Variants in TRABD2B observed in about 807,000 individuals in gnomAD.
The protein encoded by TRABD2B is metalloprotease TIKI2.
A neutral mutation model predicts 40.1 loss-of-function variants in TRABD2B; 14 were observed. The ratio of observed to expected loss-of-function variants is 0.35; its 90% confidence interval spans 0.23 to 0.55. TRABD2B has a LOEUF of 0.55. Among genes scored for constraint, TRABD2B ranks in the 20% least tolerant of loss-of-function variants. The pLI is 0.90. For missense variants in TRABD2B, 541 were observed against 648.6 expected (o/e 0.83, Z 1.80); for synonymous variants, 263 against 277.0 (o/e 0.95, Z 0.50).
At chr1:47,841,784 T>C (rs1420186052) in intron 2 of TRABD2B, among the ~76,000 whole-genome samples, 1 of 132,710 alleles carries the variant, frequency 7.5e-6, no homozygotes, top group African/African-American at 2.7e-5. Flanking sequence ...TCTTTTCTTT[T>C]TCTTTTTTTT....
At position 47,778,456 on chromosome 1, in the gene TRABD2B, G is replaced by A. The variant is rs1452188406; in HGVS notation, c.1077C>T (p.His359=). The A allele has an allele frequency of 1.3e-6, 2 of 1,535,552 alleles. No individual in the cohort carries two copies. Among genetic ancestry groups the A allele is most frequent in the East Asian group, 4.9e-5 (2 of 40,912 alleles). The change falls in exon 5 of 7, where the codon CAC becomes CAT. Residue 359 remains histidine (H), a splice_region_variant and synonymous_variant. Coordinates refer to ENST00000606738, the MANE Select transcript of TRABD2B (RefSeq NM_001194986.2). The part of the protein sequence containing the change: ...VDHTPAGQAI[H]SPAPQSPAPS... ...AGGCACACCCAGATGTGGCTTACCT[G>A]TGTATGGCCTGCCCGGCGGGTGTGT... is the stretch of plus-strand genomic sequence containing the variant.
intron 2 of TRABD2B, among the ~76,000 whole-genome samples, chr1:47,912,724 G>A (rs1644779610): frequency 6.6e-6 from 1 of 152,180 alleles, no homozygotes; most frequent in African/African-American, 2.4e-5. Flanking sequence ...GTCACCTCAG[G>A]TTGGGGGTCC....
chr1:47,805,846 A>C (rs1276977940), intron 2 of TRABD2B, among the ~76,000 whole-genome samples: 1 of 152,072 alleles, frequency 6.6e-6, no homozygotes, highest in African/African-American at 2.4e-5. Flanking sequence ...GCAAAGAGAC[A>C]TCAAATACCT....
At chr1:47,975,850 C>T (rs564764222) in intron 2 of TRABD2B, among the ~76,000 whole-genome samples, 124 of 152,156 alleles carry the variant, frequency 8.1e-4, no homozygotes, top group African/African-American at 3.0e-3. Context: ...CAGGAAGGGC[C>T]AGGCTGGACC....
intron 4 of TRABD2B, among the ~76,000 whole-genome samples, chr1:47,787,354 C>G (rs1412874067): frequency 6.6e-6 from 1 of 152,208 alleles, no homozygotes; most frequent in Non-Finnish European, 1.5e-5. Flanking sequence ...CTGTCTAAAG[C>G]CCCTCACTGT....
rs143839659 is a variant in TRABD2B, at chr1:47,829,746, A to G, written c.667-28127T>C. ...ACATTCAATGACTTCCCGTGAATAAATTCATGCATGACACTTAGGACATTC... is the reference window on the plus strand; with the variant it reads ...ACATTCAATGACTTCCCGTGAATAAGTTCATGCATGACACTTAGGACATTC... On this transcript the variant is annotated intron_variant, in intron 2 of 6. Transcript: ENST00000606738. Among the ~76,000 whole-genome samples the G allele has an allele frequency of 3.9e-3, 598 of 152,318 alleles. 3 individuals are homozygous for G. The highest frequency in any genetic ancestry group is 2.9e-3 in the Non-Finnish European group (195 of 68,026).
At chr1:47,931,134 G>A (rs552808408) in intron 2 of TRABD2B, among the ~76,000 whole-genome samples, 45 of 152,216 alleles carry the variant, frequency 3.0e-4, no homozygotes, top group African/African-American at 1.0e-3. Flanking sequence ...GAACAAATGG[G>A]TGAAGGAATA....
intron 2 of TRABD2B, among the ~76,000 whole-genome samples, chr1:47,953,161 A>C (rs1645370568): frequency 6.6e-6 from 1 of 152,210 alleles, no homozygotes; most frequent in Admixed American, 6.5e-5. Flanking sequence ...CAAGCAGCCC[A>C]GAAAAATGGG....
intron 2 of TRABD2B, among the ~76,000 whole-genome samples, chr1:47,922,112 C>T (rs1644909850): frequency 6.6e-6 from 1 of 152,110 alleles, no homozygotes; most frequent in Admixed American, 6.5e-5. Flanking sequence ...CTCCAGGTCT[C>T]TGTTTAGCCA....
At chr1:47,767,290 C>T (rs4083959) in intron 6 of TRABD2B, among the ~76,000 whole-genome samples, 46,711 of 152,080 alleles carry the variant, frequency 0.31, 7,505 homozygotes, top group Middle Eastern at 0.38. Flanking sequence ...CCACAAGCCC[C>T]GTCACCCAGA....
At chr1:47,936,708 G>A (rs1016407626) in intron 2 of TRABD2B, among the ~76,000 whole-genome samples, 11 of 152,278 alleles carry the variant, frequency 7.2e-5, no homozygotes, top group South Asian at 4.1e-4. Context: ...TATGAGCTGC[G>A]TGATCTTGGC....
intron 2 of TRABD2B, among the ~76,000 whole-genome samples, chr1:47,875,747 A>C (rs1454333474): frequency 6.6e-6 from 1 of 151,538 alleles, no homozygotes. Flanking sequence ...AGAAAAGGAC[A>C]AAGTGACTTC....
chr1:47,975,583 T>A (rs1225761962), intron 2 of TRABD2B, among the ~76,000 whole-genome samples: 1 of 152,178 alleles, frequency 6.6e-6, no homozygotes, highest in Non-Finnish European at 1.5e-5. Context: ...AAATAACAAA[T>A]CTTGCCCTTT....
At chr1:47,975,382 G>A (rs1004963408) in intron 2 of TRABD2B, among the ~76,000 whole-genome samples, 1 of 152,172 alleles carries the variant, frequency 6.6e-6, no homozygotes, top group African/African-American at 2.4e-5. Context: ...CTTTTTGTAA[G>A]CATTTACTGA....
chr1:47,980,893 T>C (rs930145905), intron 2 of TRABD2B, among the ~76,000 whole-genome samples: 1 of 152,220 alleles, frequency 6.6e-6, no homozygotes, highest in Non-Finnish European at 1.5e-5. Flanking sequence ...CTCAGCTCCT[T>C]GTCCCTGTCA....
At chr1:47,794,345 G>A (rs114126005) in intron 4 of TRABD2B, among the ~76,000 whole-genome samples, 2,159 of 152,288 alleles carry the variant, frequency 0.014, 26 homozygotes, top group Non-Finnish European at 0.02. Context: ...AGGCACCACA[G>A]AAATTATCCT....
intron 2 of TRABD2B, among the ~76,000 whole-genome samples, chr1:47,811,265 C>A (rs888649644): frequency 3.3e-5 from 5 of 151,916 alleles, no homozygotes; most frequent in Admixed American, 1.3e-4. Flanking sequence ...CCCCTCACCA[C>A]CCCCCCATCG....
chr1:47,959,584 C>T (rs1240953068), intron 2 of TRABD2B, among the ~76,000 whole-genome samples: 3 of 152,156 alleles, frequency 2.0e-5, no homozygotes, highest in Non-Finnish European at 4.4e-5. Flanking sequence ...TTATAAATAC[C>T]TCTATGCAAA....
At chr1:47,887,503 A>G (rs1015644172) in intron 2 of TRABD2B, among the ~76,000 whole-genome samples, 5 of 151,402 alleles carry the variant, frequency 3.3e-5, no homozygotes, top group African/African-American at 1.2e-4. Flanking sequence ...AGATAAGCAC[A>G]CTTAAATCTC....
Sources: gnomAD v4.1 joint callset for allele counts (sites outside exome capture counted in the v4.1 genomes callset) on GRCh38, gnomAD v4.1.1 for gene constraint, MANE v1.5 for transcripts, NCBI Gene and HGNC (gene_info 2026-07-23, HGNC 2026-07-21) for gene names.